Variants in SYNDIG1 observed in about 807,000 individuals in gnomAD.
SYNDIG1 encodes the protein synapse differentiation-inducing gene protein 1.
In SYNDIG1, 9 loss-of-function variants were observed where a neutral mutation model predicts 19.4. The observed-to-expected ratio is 0.46, with a 90% CI of 0.28 to 0.81. SYNDIG1 has a LOEUF of 0.81. Ranked by LOEUF, SYNDIG1 falls within the 30% of genes least tolerant of loss-of-function variation. The pLI is 0.12. For missense variants in SYNDIG1, 311 were observed against 343.3 expected (o/e 0.91, Z 0.74); for synonymous variants, 141 against 145.9 (o/e 0.97, Z 0.24).
chr20:24,634,510 A>C (rs2059295234), intron 3 of SYNDIG1, among the ~76,000 whole-genome samples: 1 of 152,344 alleles, frequency 6.6e-6, no homozygotes, highest in South Asian at 2.1e-4. Flanking sequence ...CAAAATGTGA[A>C]TGCCTGTCTT....
chr20:24,552,705 A>G (rs2057729144), intron 2 of SYNDIG1, among the ~76,000 whole-genome samples: 1 of 152,266 alleles, frequency 6.6e-6, no homozygotes, highest in East Asian at 1.9e-4. Context: ...AATCCAGTCT[A>G]TCATTGTTGG....
intron 1 of SYNDIG1, among the ~76,000 whole-genome samples, chr20:24,483,117 G>A (rs6036812): frequency 0.024 from 3,716 of 152,304 alleles, 169 homozygotes; most frequent in African/African-American, 0.085. Context: ...TACCTGATTT[G>A]GGGGAAGTGG....
chr20:24,568,565 C>G (rs1826956118), intron 2 of SYNDIG1, among the ~76,000 whole-genome samples: 1 of 152,182 alleles, frequency 6.6e-6, no homozygotes, highest in Non-Finnish European at 1.5e-5. Flanking sequence ...AAAAATGATA[C>G]TAACCTTGAG....
At chr20:24,510,545 G>A (rs1462159816) in intron 1 of SYNDIG1, among the ~76,000 whole-genome samples, 1 of 150,744 alleles carries the variant, frequency 6.6e-6, no homozygotes, top group Non-Finnish European at 1.5e-5. Flanking sequence ...CTCTGGTCTG[G>A]GTGACAAGAG....
intron 1 of SYNDIG1, among the ~76,000 whole-genome samples, chr20:24,524,165 T>C (rs1305808347): frequency 6.6e-6 from 1 of 152,184 alleles, no homozygotes; most frequent in Non-Finnish European, 1.5e-5. Flanking sequence ...TCTCGCAACT[T>C]CGAAGGCGCT....
At chr20:24,537,576 G>T (rs1005551269) in intron 1 of SYNDIG1, among the ~76,000 whole-genome samples, 2 of 151,480 alleles carry the variant, frequency 1.3e-5, no homozygotes, top group Non-Finnish European at 2.9e-5. Flanking sequence ...TTGTTTTCTC[G>T]GTATGGTATA....
At chr20:24,562,974 C>T (rs1156427199) in intron 2 of SYNDIG1, among the ~76,000 whole-genome samples, 2 of 152,160 alleles carry the variant, frequency 1.3e-5, no homozygotes, top group African/African-American at 4.8e-5. Context: ...GCCCATAATT[C>T]ATGAACCTCT....
At chr20:24,575,848 G>A (rs1703539867) in intron 2 of SYNDIG1, among the ~76,000 whole-genome samples, 1 of 152,148 alleles carries the variant, frequency 6.6e-6, no homozygotes, top group South Asian at 2.1e-4. Flanking sequence ...ATTTGTTTTA[G>A]AAAAGATTGC....
chr20:24,525,283 CTTCTTT>C (rs1433785787), intron 1 of SYNDIG1, among the ~76,000 whole-genome samples: 24 of 118,078 alleles, frequency 2.0e-4, no homozygotes, highest in African/African-American at 6.9e-4. Context: ...ACTTCTTCTT[CTTCTTT>C]TTTTTTTTTT....
rs192624141 is a variant in SYNDIG1, at chr20:24,521,372, A to G, written c.-78-21648A>G. Among the ~76,000 whole-genome samples, 359 of 152,140 alleles carry G rather than the reference A, an allele frequency of 2.4e-3. 1 individual carries two copies. The highest frequency in any genetic ancestry group is 7.9e-3 in the African/African-American group (328 of 41,514). On this transcript the variant is annotated intron_variant, in intron 1 of 3. Transcript: ENST00000376862. ...GCCCAGGCTGGAGTACAGTGACACA[A>G]TCACACCTGCTTTCCATTTTGGGGA...
intron 3 of SYNDIG1, among the ~76,000 whole-genome samples, chr20:24,604,279 T>G (rs1409749873): frequency 1.3e-5 from 2 of 152,118 alleles, no homozygotes; most frequent in African/African-American, 4.8e-5. Flanking sequence ...AGGGGCTGGT[T>G]AAGGTAACGC....
At chr20:24,534,217 C>T (rs761422627) in intron 1 of SYNDIG1, among the ~76,000 whole-genome samples, 4 of 152,320 alleles carry the variant, frequency 2.6e-5, no homozygotes, top group East Asian at 1.9e-4. Flanking sequence ...TAAACTGTAA[C>T]AGCCCCTGGT....
intron 1 of SYNDIG1, among the ~76,000 whole-genome samples, chr20:24,476,447 C>T (rs567620750): frequency 6.6e-6 from 1 of 152,158 alleles, no homozygotes. Flanking sequence ...GCGGGCAGAT[C>T]CCTTGAGGTC....
chr20:24,626,769 A>T (rs1428628706), intron 3 of SYNDIG1, among the ~76,000 whole-genome samples: 1 of 152,160 alleles, frequency 6.6e-6, no homozygotes, highest in African/African-American at 2.4e-5. Flanking sequence ...ACGCCACTGC[A>T]CTCCAGCCTG....
At chr20:24,626,579 C>T (rs935271885) in intron 3 of SYNDIG1, among the ~76,000 whole-genome samples, 1 of 151,540 alleles carries the variant, frequency 6.6e-6, no homozygotes, top group Non-Finnish European at 1.5e-5. Context: ...AGAGACGCTC[C>T]TCACTTTCCA....
intron 3 of SYNDIG1, among the ~76,000 whole-genome samples, chr20:24,656,633 C>T (rs1368354584): frequency 3.9e-5 from 6 of 152,366 alleles, no homozygotes; most frequent in Non-Finnish European, 7.3e-5. Flanking sequence ...CAGAAATCCA[C>T]TTCCTGGACC....
intron 1 of SYNDIG1, among the ~76,000 whole-genome samples, chr20:24,486,561 G>T (rs1389566148): frequency 1.3e-5 from 2 of 152,190 alleles, no homozygotes; most frequent in African/African-American, 2.4e-5. Context: ...AACACCTGGG[G>T]ATTTGCAGGC....
intron 3 of SYNDIG1, among the ~76,000 whole-genome samples, chr20:24,618,269 C>T (rs1048846734): frequency 4.0e-5 from 4 of 100,402 alleles, no homozygotes; most frequent in Non-Finnish European, 2.0e-5. Context: ...GGGAGAGTCC[C>T]GGAAGGGGGG....
chr20:24,561,274 G>A lies in SYNDIG1; in HGVS notation c.480+17697G>A, dbSNP rs7352152. ...TTTACATTGCCACCAGGTCCACTCA[G>A]GATGTGAGGAGAGCTTACCAAGCCC... On this transcript the variant is annotated intron_variant, in intron 2 of 3. Transcript: ENST00000376862. 3.9e-5 allele frequency among the ~76,000 whole-genome samples: 6 copies of A among 152,280 alleles called. No homozygotes were observed. In the East Asian group the frequency reaches 1.2e-3, roughly 29 times the overall value.
Sources: gnomAD v4.1 joint callset for allele counts (sites outside exome capture counted in the v4.1 genomes callset) on GRCh38, gnomAD v4.1.1 for gene constraint, MANE v1.5 for transcripts, NCBI Gene and HGNC (gene_info 2026-07-23, HGNC 2026-07-21) for gene names.